FAM124B: variants seen among roughly 807,000 people sequenced by gnomAD.
FAM124B encodes protein FAM124B.
FAM124B carries 18 observed loss-of-function variants against 19.7 expected under a neutral mutation model. The observed-to-expected ratio is 0.92, with a 90% CI of 0.63 to 1.36. FAM124B has a LOEUF of 1.36. Ranked by LOEUF, FAM124B falls within the 40% of genes most tolerant of loss-of-function variation. The pLI is 0.00. For missense variants in FAM124B, 540 were observed against 553.3 expected, an observed-to-expected ratio of 0.98 and a Z score of 0.24; for synonymous variants, 223 against 225.2, an observed-to-expected ratio of 0.99 and a Z score of 0.09.
At position 224,401,629 on chromosome 2, in the gene FAM124B, C is replaced by A; in HGVS notation, c.140G>T (p.Arg47Leu). The A allele has an allele frequency of 1.2e-6, 2 of 1,614,188 alleles. No homozygotes were observed. The highest frequency in any genetic ancestry group is 1.6e-4 in the Middle Eastern group (1 of 6,062). The change falls in exon 1 of 2, where the codon CGG becomes CTG. Residue 47 changes from arginine (R) to leucine (L), a missense_variant. Physicochemically the swap from Arg to Leu is moderately radical, Grantham distance 102. Transcript: ENST00000409685. ...TTCACAGTATTTCACAGGACTGGCC[C>A]GTTCAGACACCTGAAAGAGCCGGAC... ...PEVRLFQVSE[R>L]ASPVKYCEKS...
chr2:224,380,233 T>A, intron 1 of FAM124B, 25 bp from the exon 2 acceptor site: 2 of 1,506,530 alleles, frequency 1.3e-6, no homozygotes, highest in Non-Finnish European at 1.8e-6. Flanking sequence ...AGGAGGAACA[T>A]ATGAAACATA....
intron 1 of FAM124B, among the ~76,000 whole-genome samples, chr2:224,391,859 A>G (rs1322686922): frequency 6.6e-6 from 1 of 152,200 alleles, no homozygotes; most frequent in East Asian, 1.9e-4. Context: ...ATAAATGTTC[A>G]TTAAATGTTA....
At chr2:224,380,294 C>T in intron 1 of FAM124B, 86 bp from the exon 2 acceptor site, 1 of 1,187,164 alleles carries the variant, frequency 8.4e-7, no homozygotes, top group South Asian at 1.6e-5. Flanking sequence ...TCACCCTCTG[C>T]CATGCCATGC....
chr2:224,387,679 G>T (rs965176008), intron 1 of FAM124B, among the ~76,000 whole-genome samples: 4 of 152,022 alleles, frequency 2.6e-5, no homozygotes, highest in Non-Finnish European at 5.9e-5. Flanking sequence ...ATTGAGCGAG[G>T]GTGTAGAAGT....
intron 1 of FAM124B, among the ~76,000 whole-genome samples, chr2:224,400,720 G>A (rs547796386): frequency 1.9e-4 from 29 of 152,090 alleles, no homozygotes; most frequent in Non-Finnish European, 3.8e-4. Context: ...AATCCTGTCT[G>A]ATTCTACTAT....
At chr2:224,391,341 C>CAAAA (rs754536476) in intron 1 of FAM124B, among the ~76,000 whole-genome samples, 9 of 67,346 alleles carry the variant, frequency 1.3e-4, no homozygotes, top group Non-Finnish European at 2.0e-4. Context: ...ACTCTTGTCT[C>CAAAA]AAAAAAAAAA....
chr2:224,381,890 T>A (rs976494111), intron 1 of FAM124B, among the ~76,000 whole-genome samples: 10 of 152,110 alleles, frequency 6.6e-5, no homozygotes, highest in Non-Finnish European at 1.3e-4. Flanking sequence ...ATGATACATA[T>A]TTATCTTACA....
chr2:224,388,007 A>T (rs1157324178), intron 1 of FAM124B, among the ~76,000 whole-genome samples: 1 of 152,216 alleles, frequency 6.6e-6, no homozygotes, highest in African/African-American at 2.4e-5. Context: ...TCTTTAAGAG[A>T]TAATCTTATT....
At chr2:224,394,804 G>A (rs1485148831) in intron 1 of FAM124B, among the ~76,000 whole-genome samples, 1 of 152,006 alleles carries the variant, frequency 6.6e-6, no homozygotes, top group Non-Finnish European at 1.5e-5. Context: ...GACATCCTCA[G>A]TCAATTTCAC....
chr2:224,390,206 G>A (rs1393999049), intron 1 of FAM124B, among the ~76,000 whole-genome samples: 18 of 150,674 alleles, frequency 1.2e-4, no homozygotes, highest in Non-Finnish European at 2.5e-4. Flanking sequence ...AAAAGAACTG[G>A]GTTATGACGG....
Position 224,401,205 on chromosome 2 carries a change from C to T in FAM124B, c.564G>A (p.Leu188=), listed in dbSNP as rs1690064373. 3 of 1,614,160 alleles carry T rather than the reference C, an allele frequency of 1.9e-6. No homozygotes were observed. The highest frequency in any genetic ancestry group is 2.7e-5 in the African/African-American group (2 of 75,032). Residue 188 remains leucine, a synonymous_variant, in exon 1 of 2, where the codon CTG becomes CTA. Coordinates refer to ENST00000409685, the MANE Select transcript of FAM124B (RefSeq NM_001122779.2). ...ASKSFALQLS[L]KQLPPGMSVD... is the part of the protein sequence containing the mutation. ...CTGACATTCCCGGGGGCAGCTGCTT[C>T]AGGGAGAGCTGCAGAGCAAAGCTCT...
intron 1 of FAM124B, among the ~76,000 whole-genome samples, chr2:224,387,621 T>C (rs1689819232): frequency 6.6e-6 from 1 of 152,062 alleles, no homozygotes; most frequent in Non-Finnish European, 1.5e-5. Flanking sequence ...TGCTCTCCTA[T>C]AATAGCAGGA....
Position 224,379,747 on chromosome 2 carries a change from A to G in FAM124B, c.1194T>C (p.Ser398=). 6.4e-7 allele frequency: 1 copy of G among 1,551,678 alleles called. No individual in the cohort carries two copies. Among genetic ancestry groups the G allele is most frequent in the Non-Finnish European group, 8.7e-7 (1 of 1,146,992 alleles). ...TTTTGGAGGTAGCCACCCCCAAGGA[A>G]GAGGCTGGCAAGCAGAATGGTGGCT... ...TSQPPFCLPA[S]SLGVATSKNN... The change falls in exon 2 of 2, where the codon TCT becomes TCC. Residue 398 remains serine (S), a synonymous_variant. Transcript: ENST00000409685.
Position 224,379,357 on chromosome 2 carries a change from T to C in FAM124B, c.*216A>G, listed in dbSNP as rs1274521100. 1.6e-6 allele frequency: 1 copy of C among 640,568 alleles called. No individual in the cohort carries two copies. The highest frequency in any genetic ancestry group is 1.8e-5 in the African/African-American group (1 of 54,546). The allele number at this position is 640,568 out of a possible 1,614,324, so 39.7% of individuals were successfully genotyped here. A position where few individuals can be genotyped will look rare whatever the true frequency, so the allele number is the denominator to read the frequency against. On this transcript the variant is annotated 3_prime_UTR_variant, in exon 2 of 2. Transcript: ENST00000409685. ...AAAGCATTCGGTTTTTTTCCCTGTG[T>C]GTTGGCTGTGTTCTCTTATGACTGT...
chr2:224,385,619 C>T (rs1017057977), intron 1 of FAM124B, among the ~76,000 whole-genome samples: 6 of 152,204 alleles, frequency 3.9e-5, no homozygotes, highest in Admixed American at 3.3e-4. Flanking sequence ...ACCTATCCAA[C>T]TGCCTTCTAG....
chr2:224,397,745 G>A (rs896258410), intron 1 of FAM124B, among the ~76,000 whole-genome samples: 1 of 152,180 alleles, frequency 6.6e-6, no homozygotes, highest in Admixed American at 6.5e-5. Flanking sequence ...GCGGCATTTT[G>A]CCCCTGCCCT....
intron 1 of FAM124B, chr2:224,400,474 C>T (rs1226059399): frequency 7.2e-6 from 5 of 696,552 alleles, no homozygotes; most frequent in South Asian, 3.0e-5. Flanking sequence ...CCACCGCACT[C>T]GAGTCTGGGC....
chr2:224,398,768 A>G (rs1381798926), intron 1 of FAM124B, among the ~76,000 whole-genome samples: 2 of 152,108 alleles, frequency 1.3e-5, no homozygotes, highest in Non-Finnish European at 2.9e-5. Flanking sequence ...TTGAGGCCAG[A>G]TGTTTGAGAC....
At chr2:224,398,770 G>A (rs937748680) in intron 1 of FAM124B, among the ~76,000 whole-genome samples, 5 of 152,178 alleles carry the variant, frequency 3.3e-5, no homozygotes, top group African/African-American at 1.2e-4. Context: ...GAGGCCAGAT[G>A]TTTGAGACCA....
Sources: allele counts gnomAD v4.1 joint callset (sites outside exome capture counted in the v4.1 genomes callset), GRCh38; gene constraint gnomAD v4.1.1; transcripts MANE v1.5; gene names NCBI Gene and HGNC (gene_info 2026-07-23, HGNC 2026-07-21).